The following SEMA5A variants were observed in gnomAD, a reference collection of about 807,000 sequenced individuals.
The protein encoded by SEMA5A is semaphorin-5A.
SEMA5A carries 55 observed loss-of-function variants against 135.5 expected under a neutral mutation model. The observed-to-expected ratio is 0.41, with a 90% CI of 0.33 to 0.51. The LOEUF is 0.51. Ranked by LOEUF, SEMA5A falls within the 20% of genes least tolerant of loss-of-function variation. SEMA5A has a pLI of 0.37. For synonymous variants in SEMA5A, 580 were observed against 546.5 expected, an observed-to-expected ratio of 1.06 and a Z score of -0.85; for missense variants, 1,290 against 1,419.9, an observed-to-expected ratio of 0.91 and a Z score of 1.47.
intron 1 of SEMA5A, among the ~76,000 whole-genome samples, chr5:9,523,843 G>T (rs1484572412): frequency 6.6e-6 from 1 of 152,156 alleles, no homozygotes; most frequent in Non-Finnish European, 1.5e-5. Flanking sequence ...TGGTGTACAG[G>T]GTCAATTAGT....
chr5:9,379,269 A>G (rs575084324), intron 3 of SEMA5A, among the ~76,000 whole-genome samples: 12 of 152,300 alleles, frequency 7.9e-5, no homozygotes, highest in Admixed American at 2.6e-4. Flanking sequence ...TGAATGCTTG[A>G]GTGCCCCGGG....
At chr5:9,101,874 C>G (rs1739651585) in intron 16 of SEMA5A, among the ~76,000 whole-genome samples, 1 of 152,146 alleles carries the variant, frequency 6.6e-6, no homozygotes, top group Admixed American at 6.5e-5. Context: ...GGAAATGGGT[C>G]TACGTCCAAT....
At chr5:9,420,626 T>C (rs918610675) in intron 2 of SEMA5A, among the ~76,000 whole-genome samples, 2 of 152,180 alleles carry the variant, frequency 1.3e-5, no homozygotes, top group African/African-American at 4.8e-5. Flanking sequence ...CTATATCCCT[T>C]GTAAGAGTAT....
At chr5:9,139,141 G>A (rs6884247) in intron 12 of SEMA5A, among the ~76,000 whole-genome samples, 45,204 of 152,034 alleles carry the variant, frequency 0.3, 6,823 homozygotes, top group Non-Finnish European at 0.32. Context: ...ATCAAATGGT[G>A]GTTCTACTTT....
At chr5:9,300,547 C>A (rs960908520) in intron 5 of SEMA5A, among the ~76,000 whole-genome samples, 1 of 152,166 alleles carries the variant, frequency 6.6e-6, no homozygotes, top group Non-Finnish European at 1.5e-5. Context: ...GAGGCATAAA[C>A]CCAGGAATAT....
chr5:9,086,502 T>G (rs904702522), intron 16 of SEMA5A, among the ~76,000 whole-genome samples: 9 of 152,170 alleles, frequency 5.9e-5, no homozygotes, highest in Non-Finnish European at 1.3e-4. Flanking sequence ...CTGCCGCCAT[T>G]TGAGATGTGC....
At chr5:9,473,306 C>T (rs886799248) in intron 1 of SEMA5A, among the ~76,000 whole-genome samples, 1 of 139,000 alleles carries the variant, frequency 7.2e-6, no homozygotes, top group East Asian at 2.2e-4. Flanking sequence ...CTTAAAAACT[C>T]TACTTGTAAC....
Position 9,054,073 on chromosome 5 carries a change from G to A in SEMA5A, c.2689+14C>T, listed in dbSNP as rs1736748578. ...TTTGTCTGAAAGCTGTGCAGTAGGTGAGGTGCCGCTTACCTGGGCAGGGCT... is the reference window on the plus strand; with the variant it reads ...TTTGTCTGAAAGCTGTGCAGTAGGTAAGGTGCCGCTTACCTGGGCAGGGCT... On this transcript the variant is annotated intron_variant, in intron 19 of 22. Coordinates refer to ENST00000382496, the MANE Select transcript of SEMA5A (RefSeq NM_003966.3). 6.3e-7 allele frequency: 1 copy of A among 1,597,398 alleles called. No individual in the cohort carries two copies. Among genetic ancestry groups the A allele is most frequent in the Non-Finnish European group, 8.5e-7 (1 of 1,173,634 alleles).
chr5:9,458,796 A>G (rs1758945989), intron 1 of SEMA5A, among the ~76,000 whole-genome samples: 1 of 152,232 alleles, frequency 6.6e-6, no homozygotes, highest in Non-Finnish European at 1.5e-5. Flanking sequence ...GAGGAACCCA[A>G]TGACAAACGA....
intron 21 of SEMA5A, among the ~76,000 whole-genome samples, chr5:9,046,657 A>G (rs1736272524): frequency 6.6e-6 from 1 of 152,160 alleles, no homozygotes; most frequent in Admixed American, 6.5e-5. Context: ...CCTGTGATAC[A>G]TGGCAGAGGT....
At chr5:9,054,581 C>T (rs1017379677) in intron 18 of SEMA5A, among the ~76,000 whole-genome samples, 1 of 152,192 alleles carries the variant, frequency 6.6e-6, no homozygotes, top group Non-Finnish European at 1.5e-5. Context: ...AGTGCACGAG[C>T]TGTCATAGTA....
intron 1 of SEMA5A, among the ~76,000 whole-genome samples, chr5:9,466,872 G>A (rs1188171178): frequency 5.9e-5 from 9 of 152,270 alleles, no homozygotes; most frequent in Non-Finnish European, 4.4e-5. Flanking sequence ...TTGCCTTTTC[G>A]GATTGGTGTG....
intron 3 of SEMA5A, among the ~76,000 whole-genome samples, chr5:9,374,527 C>T (rs1250631225): frequency 6.6e-6 from 1 of 151,964 alleles, no homozygotes; most frequent in East Asian, 1.9e-4. Context: ...TGGTGCCTTA[C>T]AAAAAAGCGT....
At chr5:9,191,519 C>T (rs965609203) in intron 10 of SEMA5A, among the ~76,000 whole-genome samples, 7 of 152,212 alleles carry the variant, frequency 4.6e-5, no homozygotes, top group African/African-American at 1.7e-4. Flanking sequence ...AAAAGAATTT[C>T]CAGGCCCATA....
intron 18 of SEMA5A, among the ~76,000 whole-genome samples, chr5:9,055,953 G>A (rs1049708240): frequency 4.6e-5 from 7 of 151,216 alleles, no homozygotes; most frequent in African/African-American, 1.5e-4. Flanking sequence ...TTTTCTGTTT[G>A]TAACCTAAAT....
chr5:9,240,137 C>T (rs368093139), intron 5 of SEMA5A, among the ~76,000 whole-genome samples: 1 of 151,958 alleles, frequency 6.6e-6, no homozygotes, highest in East Asian at 1.9e-4. Flanking sequence ...ACTGCTCTTA[C>T]AAGTTTATTA....
intron 12 of SEMA5A, among the ~76,000 whole-genome samples, chr5:9,151,577 C>A (rs1429832100): frequency 6.6e-6 from 1 of 151,938 alleles, no homozygotes; most frequent in Non-Finnish European, 1.5e-5. Flanking sequence ...TTTAAAGATT[C>A]TTTTCTCCAT....
intron 3 of SEMA5A, among the ~76,000 whole-genome samples, chr5:9,338,676 T>G (rs780794138): frequency 6.6e-6 from 1 of 152,126 alleles, no homozygotes; most frequent in African/African-American, 2.4e-5. Context: ...GATTTAGTAT[T>G]TTGAATAACA....
At chr5:9,223,263 T>C (rs987817100) in intron 8 of SEMA5A, among the ~76,000 whole-genome samples, 1 of 152,222 alleles carries the variant, frequency 6.6e-6, no homozygotes, top group Non-Finnish European at 1.5e-5. Context: ...GGACATCCTT[T>C]TTTTCCTACA....
Sources: gnomAD v4.1 joint callset for allele counts (sites outside exome capture counted in the v4.1 genomes callset) on GRCh38, gnomAD v4.1.1 for gene constraint, MANE v1.5 for transcripts, NCBI Gene and HGNC (gene_info 2026-07-23, HGNC 2026-07-21) for gene names.